The following USP8 variants were observed in gnomAD, a reference collection of about 807,000 sequenced individuals.
USP8 encodes the protein ubiquitin carboxyl-terminal hydrolase 8.
Under a neutral mutation model 130.0 loss-of-function variants are expected in USP8, and 27 were observed. The ratio of observed to expected loss-of-function variants is 0.21; its 90% CI spans 0.15 to 0.29. The LOEUF (loss-of-function observed/expected upper bound fraction) is 0.29, where lower values mean the gene tolerates loss of function less well. Ranked by LOEUF, USP8 falls within the 10% of genes least tolerant of loss-of-function variation. The probability of loss-of-function intolerance (pLI) is 1.00; values close to 1 mark genes in which losing one functional copy is unlikely to be tolerated. For missense variants in USP8, 1,029 were observed against 1,312.2 expected (o/e 0.78, Z 3.33); for synonymous variants, 392 against 444.1 (o/e 0.88, Z 1.48).
chr15:50,436,216 G>C (rs954229625), intron 1 of USP8, among the ~76,000 whole-genome samples: 1 of 151,686 alleles, frequency 6.6e-6, no homozygotes, highest in Non-Finnish European at 1.5e-5. Flanking sequence ...CTGCCATGTA[G>C]ATCTTTGTTC....
chr15:50,424,657 A>G (rs911517017), intron 1 of USP8, 143 bp downstream of exon 1: 6 of 395,986 alleles, frequency 1.5e-5, no homozygotes, highest in African/African-American at 6.2e-5. Flanking sequence ...TCCTAAAGGT[A>G]GAATCAGCTT....
Position 50,458,986 on chromosome 15 carries a change from A to T in USP8, c.336-14A>T. The stretch of plus-strand genomic sequence containing the variant: ...CGCCAATAAAAGACAATCTTGACTT[A>T]TTTTTTCAACTAGATATGAAGAAGC... On this transcript the variant is annotated splice_polypyrimidine_tract_variant and intron_variant, in intron 4 of 19. Coordinates refer to ENST00000307179, the MANE Select transcript of USP8 (RefSeq NM_005154.5). 2 of 1,611,640 alleles carry T rather than the reference A, an allele frequency of 1.2e-6. No individual in the cohort carries two copies. The highest frequency in any genetic ancestry group is 1.7e-6 in the Non-Finnish European group (2 of 1,179,716).
Position 50,471,651 on chromosome 15 carries a change from T to C in USP8, c.705T>C (p.Ile235=). ...AISPGVTASW[I]EAHLPDDSKD... ...ATTTCAGAGTCACTGCTAGTTGGATTGAAGCACACCTGCCAGATGATTCTA... is the reference window on the plus strand; with the variant it reads ...ATTTCAGAGTCACTGCTAGTTGGATCGAAGCACACCTGCCAGATGATTCTA... Residue 235 remains isoleucine (I), a synonymous_variant, in exon 8 of 20, where the codon ATT becomes ATC. Transcript: ENST00000307179. 1 of 1,613,048 alleles carries C rather than the reference T, an allele frequency of 6.2e-7. No homozygotes were observed. The highest frequency in any genetic ancestry group is 8.5e-7 in the Non-Finnish European group (1 of 1,179,862).
intron 17 of USP8, 88 bp downstream of exon 17, chr15:50,496,172 C>A: frequency 8.9e-7 from 1 of 1,120,116 alleles, no homozygotes; most frequent in Non-Finnish European, 1.3e-6. Context: ...GGTCTTTACC[C>A]TTACAAACAT....
At position 50,477,347 on chromosome 15, in the gene USP8, A is replaced by G. The variant is rs775600591; in HGVS notation, c.1066A>G (p.Ile356Val). ...TGCTGCCCAGACGCCACCTGCATCT[A>G]TAGAAGTAGATGAAAATATAGAATT... ...KPAAQTPPAS[I>V]EVDENIELIS... Residue 356 changes from isoleucine to valine, a missense_variant, in exon 10 of 20, where the codon ATA becomes GTA. Ile to Val is a conservative substitution (Grantham distance 29). Transcript: ENST00000307179. 10 of 1,614,030 alleles carry G rather than the reference A, an allele frequency of 6.2e-6. No individual in the cohort carries two copies. In the East Asian group the frequency reaches 6.7e-5, roughly 11 times the overall value.
chr15:50,424,824 C>T (rs2049651176), intron 1 of USP8, among the ~76,000 whole-genome samples: 2 of 131,466 alleles, frequency 1.5e-5, no homozygotes, highest in African/African-American at 5.0e-5. Context: ...CTCTTGCTTC[C>T]GGTTTTTTTT....
intron 12 of USP8, among the ~76,000 whole-genome samples, chr15:50,485,915 A>G (rs2051946246): frequency 6.6e-6 from 1 of 152,164 alleles, no homozygotes. Context: ...TGTAAATGCT[A>G]TGAAAGTAGA....
chr15:50,511,446 C>A lies in USP8; in HGVS notation c.*12358C>A, dbSNP rs1194699790. 2 of 152,104 alleles carry A rather than the reference C, an allele frequency of 1.3e-5. No individual in the cohort carries two copies. The highest frequency in any genetic ancestry group is 2.9e-5 in the Non-Finnish European group (2 of 68,020). 9.4% of individuals were successfully genotyped at this position (152,104 alleles called of 1,614,324 possible). ...GGTATATACCCAACAGAAATGAAAA[C>A]ATGTTTACAGAAAATCCTGTACATA... On this transcript the variant is annotated 3_prime_UTR_variant, in exon 20 of 20. Transcript: ENST00000307179.
At chr15:50,469,831 A>ATTTTTT (rs35172083) in intron 7 of USP8, among the ~76,000 whole-genome samples, 2 of 136,068 alleles carry the variant, frequency 1.5e-5, no homozygotes, top group Non-Finnish European at 3.2e-5. Flanking sequence ...ATTAAATCCA[A>ATTTTTT]TTTTTTTTTT....
At position 50,467,967 on chromosome 15, in the gene USP8, C is replaced by T. The variant is rs561806641; in HGVS notation, c.686+2776C>T. On this transcript the variant is annotated intron_variant, in intron 7 of 19. Coordinates refer to ENST00000307179, the MANE Select transcript of USP8 (RefSeq NM_005154.5). ...TATTTATTTTTGAGACAGAGTCTTG[C>T]TCTGTCGCCCAGGCTGGAGTGCAAT... 1.4e-3 allele frequency among the ~76,000 whole-genome samples: 207 copies of T among 151,780 alleles called. 2 individuals are homozygous for T. Among genetic ancestry groups the T allele is most frequent in the South Asian group, 7.7e-3 (37 of 4,800 alleles).
rs111228676 is a variant in USP8, at chr15:50,484,319, A to G, written c.1848A>G (p.Thr616=). Residue 616 remains threonine (T), a synonymous_variant, in exon 12 of 20, where the codon ACA becomes ACG. Coordinates refer to ENST00000307179, the MANE Select transcript of USP8 (RefSeq NM_005154.5). ...KGQPESGILR[T]GTFREDTDDT... ...AACCAGAAAGTGGAATTCTAAGGAC[A>G]GGAACTTTTAGAGAGGATACAGACG... The G allele has an allele frequency of 6.2e-7, 1 of 1,612,538 alleles. No homozygotes were observed.
At chr15:50,454,113 C>T (rs998025328) in intron 4 of USP8, among the ~76,000 whole-genome samples, 5 of 152,282 alleles carry the variant, frequency 3.3e-5, no homozygotes, top group Non-Finnish European at 5.9e-5. Context: ...ATCCGCCTGC[C>T]TTGGCCTCCC....
chr15:50,452,822 C>G (rs1208984355), intron 4 of USP8, among the ~76,000 whole-genome samples: 1 of 152,178 alleles, frequency 6.6e-6, no homozygotes, highest in African/African-American at 2.4e-5. Context: ...CTGGCACATA[C>G]CAAATAATAA....
Position 50,489,327 on chromosome 15 carries a change from A to G in USP8, c.1891-474A>G, listed in dbSNP as rs73405120. Among the ~76,000 whole-genome samples, 389 of 152,306 alleles carry G rather than the reference A, an allele frequency of 2.6e-3. 2 individuals carry two copies. The highest frequency in any genetic ancestry group is 8.9e-3 in the African/African-American group (372 of 41,568). On this transcript the variant is annotated intron_variant, in intron 12 of 19. Coordinates refer to ENST00000307179, the MANE Select transcript of USP8 (RefSeq NM_005154.5). ...CATTTGCTAGGATACTATAACGTCT[A>G]TTCTCTACTTACACCTCTTAGCATA...
Position 50,484,315 on chromosome 15 carries a change from G to A in USP8, c.1844G>A (p.Arg615Lys), listed in dbSNP as rs373793912. ...GGACAACCAGAAAGTGGAATTCTAA[G>A]GACAGGAACTTTTAGAGAGGATACA... ...IKGQPESGILRTGTFREDTDD... is the reference protein window; with the variant it reads ...IKGQPESGILKTGTFREDTDD... The change falls in exon 12 of 20, where the codon AGG becomes AAG. Residue 615 changes from arginine (R) to lysine (K), a missense_variant. Arg to Lys is a conservative substitution (Grantham distance 26). Transcript: ENST00000307179. The A allele has an allele frequency of 1.6e-5, 25 of 1,611,920 alleles. No homozygotes were observed. The highest frequency in any genetic ancestry group is 4.5e-5 in the East Asian group (2 of 44,716).
At position 50,439,230 on chromosome 15, in the gene USP8, G is replaced by A. The variant is rs564055486; in HGVS notation, c.104+53G>A. 78 of 1,150,020 alleles carry A rather than the reference G, an allele frequency of 6.8e-5. No individual in the cohort carries two copies. In the South Asian group the frequency reaches 8.4e-4, roughly 12 times the overall value. 71.2% of individuals were successfully genotyped at this position (1,150,020 alleles called of 1,614,324 possible). On this transcript the variant is annotated intron_variant, in intron 2 of 19. Transcript: ENST00000307179. ...TGAATCAAATATTAATTTTTAGTTC[G>A]TTTCCATATTAAAGTTAGATGAATG... is the stretch of plus-strand genomic sequence containing the variant.
At chr15:50,485,141 C>A (rs1335275911) in intron 12 of USP8, among the ~76,000 whole-genome samples, 1 of 152,108 alleles carries the variant, frequency 6.6e-6, no homozygotes, top group Non-Finnish European at 1.5e-5. Context: ...TGTATTTCAT[C>A]ACAATTTTTT....
rs1272365477 is a variant in USP8 at position 50,512,791 on chromosome 15, C to G, written c.*13703C>G. 1 of 143,428 alleles carries G rather than the reference C, an allele frequency of 7.0e-6. No homozygotes were observed. Among genetic ancestry groups the G allele is most frequent in the East Asian group, 2.6e-4 (1 of 3,918 alleles). The allele number at this position is 143,428 out of a possible 1,614,324, so 8.9% of individuals were successfully genotyped here. A position where few individuals can be genotyped will look rare whatever the true frequency, so the allele number is the denominator to read the frequency against. ...TGGGCGACAGAGCCAGACTCTGTCT[C>G]AAAAACAAACAAAACAAAAACAACA... On this transcript the variant is annotated 3_prime_UTR_variant, in exon 20 of 20. Coordinates refer to ENST00000307179, the MANE Select transcript of USP8 (RefSeq NM_005154.5).
At position 50,494,153 on chromosome 15, in the gene USP8, A is replaced by AT; in HGVS notation, c.2532dup (p.Ile845TyrfsTer7). The stretch of plus-strand genomic sequence containing the variant: ...GCCCTGTGGACAGGACAGTATAGAT[A>AT]TATCAGTCCAAAGGACTTTAAAATC... On this transcript the variant is annotated frameshift_variant, in exon 16 of 20. Coordinates refer to ENST00000307179, the MANE Select transcript of USP8 (RefSeq NM_005154.5). LOFTEE classifies it high-confidence loss of function. 1 of 1,613,174 alleles carries AT rather than the reference A, an allele frequency of 6.2e-7. No individual in the cohort carries two copies.
Sources: gnomAD v4.1 joint callset for allele counts (sites outside exome capture counted in the v4.1 genomes callset) on GRCh38, gnomAD v4.1.1 for gene constraint, MANE v1.5 for transcripts, NCBI Gene and HGNC (gene_info 2026-07-23, HGNC 2026-07-21) for gene names.